BCKDHB: variants seen among roughly 807,000 people sequenced by gnomAD.
BCKDHB encodes the protein branched chain keto acid dehydrogenase E1 subunit beta.
Under a neutral mutation model 48.5 loss-of-function variants are expected in BCKDHB, and 41 were observed. The observed-to-expected ratio is 0.85, with a 90% confidence interval of 0.66 to 1.10. The LOEUF (loss-of-function observed/expected upper bound fraction) is 1.10, where lower values mean the gene tolerates loss of function less well. BCKDHB is among the 50% of genes least tolerant of loss of function. The pLI is 0.00. For synonymous variants in BCKDHB, 201 were observed against 174.8 expected (o/e 1.15, Z -1.18); for missense variants, 496 against 494.2 (o/e 1.00, Z -0.03).
At chr6:80,191,570 A>C (rs1773895965) in intron 6 of BCKDHB, among the ~76,000 whole-genome samples, 1 of 152,156 alleles carries the variant, frequency 6.6e-6, no homozygotes, top group South Asian at 2.1e-4. Flanking sequence ...CTCATGTTTT[A>C]ATATCTCTGG....
rs140622188 is a variant in BCKDHB, at chr6:80,213,093, T to G, written c.951+9881T>G. 1.1e-3 allele frequency among the ~76,000 whole-genome samples: 173 copies of G among 152,332 alleles called. 2 individuals are homozygous for G. Among genetic ancestry groups the G allele is most frequent in the African/African-American group, 4.0e-3 (165 of 41,578 alleles). ...TAATAAATATTAGCAAGAGAAAGTTTAACAATGCTATGAAAACTGTTGTAA... is the reference window on the plus strand; with the variant it reads ...TAATAAATATTAGCAAGAGAAAGTTGAACAATGCTATGAAAACTGTTGTAA... On this transcript the variant is annotated intron_variant, in intron 8 of 9. Coordinates refer to ENST00000320393, the MANE Select transcript of BCKDHB (RefSeq NM_183050.4).
chr6:80,300,950 A>AC (rs1256849932), intron 9 of BCKDHB, among the ~76,000 whole-genome samples: 10 of 152,194 alleles, frequency 6.6e-5, no homozygotes, highest in African/African-American at 2.4e-4. Context: ...TCCTGGGTGA[A>AC]CATAGAAATT....
At chr6:80,411,721 C>A in the BCKDHB span, among the ~76,000 whole-genome samples, 1 of 152,242 alleles carries the variant, frequency 6.6e-6, no homozygotes, top group African/African-American at 2.4e-5. Flanking sequence ...TGATCTCAGA[C>A]TGCTGCGCTA....
At chr6:80,445,358 G>A in the BCKDHB span, among the ~76,000 whole-genome samples, 4 of 152,130 alleles carry the variant, frequency 2.6e-5, no homozygotes, top group Non-Finnish European at 5.9e-5. Flanking sequence ...GCTTCAGATA[G>A]ATCTGGGTTT....
At chr6:80,349,725 G>C (rs893400994), downstream of BCKDHB, among the ~76,000 whole-genome samples, 1 of 152,074 alleles carries the variant, frequency 6.6e-6, no homozygotes, top group African/African-American at 2.4e-5. Flanking sequence ...TCATAGTGAA[G>C]GAAAGTATGA....
chr6:80,138,484 C>T lies in BCKDHB; in HGVS notation c.343+9255C>T, dbSNP rs561100105. 2.6e-5 allele frequency among the ~76,000 whole-genome samples: 4 copies of T among 152,112 alleles called. 1 individual carries two copies. The South Asian group carries it at 6.2e-4, about 24-fold the overall frequency. On this transcript the variant is annotated intron_variant, in intron 3 of 9. Coordinates refer to ENST00000320393, the MANE Select transcript of BCKDHB (RefSeq NM_183050.4). ...ACAGTCCCCAGAGTGTGATGTTCCC[C>T]GTCCTGTGTCCATGTGTTCTCATTG... is the stretch of plus-strand genomic sequence containing the variant.
At chr6:80,415,569 A>C in the BCKDHB span, among the ~76,000 whole-genome samples, 1 of 152,204 alleles carries the variant, frequency 6.6e-6, no homozygotes, top group African/African-American at 2.4e-5. Flanking sequence ...GTGATGAATC[A>C]CATTTATCAA....
intron 1 of BCKDHB, among the ~76,000 whole-genome samples, chr6:80,123,383 A>G (rs920598895): frequency 6.6e-6 from 1 of 152,116 alleles, no homozygotes; most frequent in Non-Finnish European, 1.5e-5. Context: ...TGTCCATGAA[A>G]TTTTCACGAT....
intron 8 of BCKDHB, among the ~76,000 whole-genome samples, chr6:80,257,959 A>C (rs1488427938): frequency 3.3e-5 from 5 of 152,112 alleles, no homozygotes; most frequent in African/African-American, 1.2e-4. Context: ...TTGACACCTC[A>C]AATTAACCAT....
At chr6:80,436,100 A>C in the BCKDHB span, among the ~76,000 whole-genome samples, 1 of 151,652 alleles carries the variant, frequency 6.6e-6, no homozygotes, top group Non-Finnish European at 1.5e-5. Context: ...TTATATGCCC[A>C]AAACCTAATA....
At chr6:80,310,345 A>G (rs1421422319) in intron 9 of BCKDHB, among the ~76,000 whole-genome samples, 2 of 152,148 alleles carry the variant, frequency 1.3e-5, no homozygotes, top group Non-Finnish European at 2.9e-5. Flanking sequence ...AAGTGAGAAC[A>G]TGTGGTATTT....
the BCKDHB span, among the ~76,000 whole-genome samples, chr6:80,377,391 T>G: frequency 6.6e-6 from 1 of 152,146 alleles, no homozygotes; most frequent in Non-Finnish European, 1.5e-5. Flanking sequence ...GGTCATCCTT[T>G]TAGTGTCATA....
chr6:80,143,161 A>G lies in BCKDHB; in HGVS notation c.343+13932A>G, dbSNP rs141651747. Among the ~76,000 whole-genome samples, 263 of 152,254 alleles carry G rather than the reference A, an allele frequency of 1.7e-3. 1 individual carries two copies. The highest frequency in any genetic ancestry group is 6.0e-3 in the African/African-American group (249 of 41,584). On this transcript the variant is annotated intron_variant, in intron 3 of 9. Coordinates refer to ENST00000320393, the MANE Select transcript of BCKDHB (RefSeq NM_183050.4). ...AGATCACAAAGTCCGTTAAATTTCA[A>G]CTGCTCCTCTTTCTAGGAGTTGCAT... is the stretch of plus-strand genomic sequence containing the variant.
At chr6:80,107,336 A>T (rs1409595519) in intron 1 of BCKDHB, among the ~76,000 whole-genome samples, 5 of 146,020 alleles carry the variant, frequency 3.4e-5, no homozygotes, top group African/African-American at 1.2e-4. Context: ...TATATTATAT[A>T]TATTATATAT....
At chr6:80,362,475 C>T in the BCKDHB span, among the ~76,000 whole-genome samples, 2 of 152,162 alleles carry the variant, frequency 1.3e-5, no homozygotes, top group African/African-American at 4.8e-5. Flanking sequence ...AACCAGACAG[C>T]AAGCCACCCA....
intron 1 of BCKDHB, among the ~76,000 whole-genome samples, chr6:80,115,606 TTG>T (rs371942503): frequency 5.9e-5 from 9 of 152,168 alleles, no homozygotes; most frequent in African/African-American, 1.9e-4. Context: ...TGATTGTCAC[TTG>T]TGTGTTACGC....
chr6:80,164,197 A>G (rs1772460710), intron 3 of BCKDHB, among the ~76,000 whole-genome samples: 1 of 152,118 alleles, frequency 6.6e-6, no homozygotes, highest in Non-Finnish European at 1.5e-5. Context: ...CTGCTTGATC[A>G]TCTACCCATT....
the BCKDHB span, among the ~76,000 whole-genome samples, chr6:80,366,459 A>G: frequency 1.3e-5 from 2 of 152,220 alleles, no homozygotes; most frequent in Non-Finnish European, 2.9e-5. Flanking sequence ...TGAGAGAAAA[A>G]AATCCAAAAG....
chr6:80,407,106 A>G, the BCKDHB span, among the ~76,000 whole-genome samples: 5 of 152,196 alleles, frequency 3.3e-5, no homozygotes, highest in South Asian at 1.0e-3. Context: ...CATTTATTAA[A>G]TAGGGAATCC....
Sources: allele counts gnomAD v4.1 joint callset (sites outside exome capture counted in the v4.1 genomes callset), GRCh38; gene constraint gnomAD v4.1.1; transcripts MANE v1.5; gene names NCBI Gene and HGNC (gene_info 2026-07-23, HGNC 2026-07-21).